PPP4R2: variants seen among roughly 807,000 people sequenced by gnomAD.
PPP4R2 encodes the protein protein phosphatase 4 regulatory subunit 2, also known as serine/threonine-protein phosphatase 4 regulatory subunit 2.
A neutral mutation model predicts 47.2 loss-of-function variants in PPP4R2; 13 were observed. That is an observed-to-expected ratio of 0.28 (90% CI 0.18 to 0.44). The LOEUF is 0.44. Ranked by LOEUF, PPP4R2 falls within the 20% of genes least tolerant of loss-of-function variation. The pLI, the probability that PPP4R2 is intolerant of heterozygous loss-of-function variation, is 1.00. For missense variants in PPP4R2, 421 were observed against 491.2 expected (o/e 0.86, Z 1.35); for synonymous variants, 151 against 163.3 (o/e 0.92, Z 0.57).
intron 2 of PPP4R2, chr3:73,014,776 T>C (rs113820420): frequency 2.5e-6 from 1 of 399,928 alleles, no homozygotes; most frequent in Non-Finnish European, 4.4e-6. Flanking sequence ...ACTAAAAAAA[T>C]TGCCTGTATC....
At chr3:73,031,726 T>C (rs996046008) in intron 2 of PPP4R2, among the ~76,000 whole-genome samples, 1 of 152,190 alleles carries the variant, frequency 6.6e-6, no homozygotes, top group South Asian at 2.1e-4. Context: ...AGCATCTTAC[T>C]GTGGTCTAAC....
Position 72,996,985 on chromosome 3 carries a change from TC to T in PPP4R2, c.-49del. 1 of 1,309,058 alleles carries T rather than the reference TC, an allele frequency of 7.6e-7. No individual in the cohort carries two copies. The highest frequency in any genetic ancestry group is 9.9e-7 in the Non-Finnish European group (1 of 1,010,804). 81.1% of individuals were successfully genotyped at this position (1,309,058 alleles called of 1,614,324 possible). On this transcript the variant is annotated 5_prime_UTR_variant, in exon 1 of 9. Coordinates refer to ENST00000356692, the MANE Select transcript of PPP4R2 (RefSeq NM_174907.4). Reference sequence around the variant, plus strand: ...GGGGGGGTGGGGGGAGGCGTTCCGGTCCCCAAGAGACCCGCGGAGGGAGGCG... The same window carrying T: ...GGGGGGGTGGGGGGAGGCGTTCCGGTCCCAAGAGACCCGCGGAGGGAGGCG...
chr3:73,051,719 G>A (rs1474367680), intron 3 of PPP4R2, among the ~76,000 whole-genome samples: 3 of 152,056 alleles, frequency 2.0e-5, no homozygotes, highest in Admixed American at 1.3e-4. Flanking sequence ...TCCGCCTCCC[G>A]GGTTCATGCC....
At chr3:73,034,147 T>G (rs1010104659) in intron 2 of PPP4R2, among the ~76,000 whole-genome samples, 9 of 152,198 alleles carry the variant, frequency 5.9e-5, no homozygotes, top group Non-Finnish European at 1.3e-4. Flanking sequence ...TGTGTGTATT[T>G]TTTTCTTTTT....
rs1056599883 is a variant in PPP4R2, at chr3:73,068,479, A to T, written c.*2757A>T. The T allele has an allele frequency of 6.6e-6, 1 of 152,220 alleles. No homozygotes were observed. The highest frequency in any genetic ancestry group is 1.9e-4 in the East Asian group (1 of 5,198). 9.4% of individuals were successfully genotyped at this position (152,220 alleles called of 1,614,324 possible). On this transcript the variant is annotated 3_prime_UTR_variant, in exon 9 of 9. Coordinates refer to ENST00000356692, the MANE Select transcript of PPP4R2 (RefSeq NM_174907.4). ...TTTTCAGTTCTGAAAAATGTAGCAGAAGTAGTGAAAATGTCATATTTTAAA... is the reference window on the plus strand; with the variant it reads ...TTTTCAGTTCTGAAAAATGTAGCAGTAGTAGTGAAAATGTCATATTTTAAA...
At chr3:72,998,363 C>T (rs890516876) in intron 2 of PPP4R2, among the ~76,000 whole-genome samples, 64 of 152,098 alleles carry the variant, frequency 4.2e-4, no homozygotes, top group African/African-American at 1.4e-3. Flanking sequence ...ATTTTAAAAA[C>T]CTGTGTATGT....
intron 2 of PPP4R2, among the ~76,000 whole-genome samples, chr3:73,021,308 A>G (rs1431584734): frequency 2.3e-4 from 35 of 149,670 alleles, no homozygotes; most frequent in Non-Finnish European, 7.4e-5. Flanking sequence ...ATCACTACTC[A>G]CTGTAGCCTC....
intron 4 of PPP4R2, among the ~76,000 whole-genome samples, chr3:73,060,788 A>C (rs907795723): frequency 2.6e-5 from 4 of 152,128 alleles, no homozygotes; most frequent in Non-Finnish European, 5.9e-5. Flanking sequence ...TAGGGTAAAA[A>C]ATAAGTATAG....
intron 2 of PPP4R2, among the ~76,000 whole-genome samples, chr3:73,024,099 T>C (rs1159780258): frequency 1.3e-5 from 2 of 152,118 alleles, no homozygotes; most frequent in Non-Finnish European, 2.9e-5. Flanking sequence ...ATGAACAGCC[T>C]TTTTCAGACT....
Position 73,067,564 on chromosome 3 carries a change from A to T in PPP4R2, c.*1842A>T, listed in dbSNP as rs977954068. 6 of 152,272 alleles carry T rather than the reference A, an allele frequency of 3.9e-5. No homozygotes were observed. Among genetic ancestry groups the T allele is most frequent in the East Asian group, 1.9e-4 (1 of 5,190 alleles). The allele number at this position is 152,272 out of a possible 1,614,324, so 9.4% of individuals were successfully genotyped here. A position where few individuals can be genotyped will look rare whatever the true frequency, so the allele number is the denominator to read the frequency against. ...AATTAACCATTGTAAATTTTTAAAA[A>T]ATTTTTCAAAAATGTTAAAATGAGG... On this transcript the variant is annotated 3_prime_UTR_variant, in exon 9 of 9. Coordinates refer to ENST00000356692, the MANE Select transcript of PPP4R2 (RefSeq NM_174907.4).
intron 2 of PPP4R2, among the ~76,000 whole-genome samples, chr3:73,000,942 C>T (rs904583551): frequency 4.6e-5 from 7 of 152,162 alleles, no homozygotes; most frequent in African/African-American, 7.2e-5. Flanking sequence ...TCCTTTTTGA[C>T]GGTCAAGTTG....
intron 2 of PPP4R2, among the ~76,000 whole-genome samples, chr3:73,003,181 G>A (rs540238395): frequency 6.7e-6 from 1 of 148,688 alleles, no homozygotes; most frequent in East Asian, 2.0e-4. Flanking sequence ...TGTCTCCCTT[G>A]TCTGAGCATA....
Position 73,002,673 on chromosome 3 carries a change from G to A in PPP4R2, c.116+4515G>A, listed in dbSNP as rs1380057455. Among the ~76,000 whole-genome samples, 3 of 106,536 alleles carry A rather than the reference G, an allele frequency of 2.8e-5. No individual in the cohort carries two copies. In the Admixed American group the frequency reaches 3.6e-4, roughly 13 times the overall value. The allele number at this position is 106,536 out of a possible 152,430, so 69.9% of individuals were successfully genotyped here. On this transcript the variant is annotated intron_variant, in intron 2 of 8. Coordinates refer to ENST00000356692, the MANE Select transcript of PPP4R2 (RefSeq NM_174907.4). The stretch of plus-strand genomic sequence containing the variant: ...TTTTTTTTTTTTGAGACGGAGTCTC[G>A]CTCTGTCACCCAGGCTGGAGTGCAG...
intron 2 of PPP4R2, among the ~76,000 whole-genome samples, chr3:73,040,188 T>C (rs1702348129): frequency 6.6e-6 from 1 of 152,144 alleles, no homozygotes; most frequent in Non-Finnish European, 1.5e-5. Flanking sequence ...TCACTAGCAA[T>C]GAAGGAAATG....
At chr3:73,017,205 C>T (rs1701858956) in intron 2 of PPP4R2, among the ~76,000 whole-genome samples, 1 of 152,150 alleles carries the variant, frequency 6.6e-6, no homozygotes, top group Non-Finnish European at 1.5e-5. Flanking sequence ...AGACATCAGC[C>T]ACTGTGCCCA....
At chr3:73,040,846 A>G (rs529943257) in intron 2 of PPP4R2, among the ~76,000 whole-genome samples, 3 of 152,316 alleles carry the variant, frequency 2.0e-5, no homozygotes, top group Non-Finnish European at 2.9e-5. Flanking sequence ...TTAATAAATT[A>G]TGGCACAAAT....
intron 2 of PPP4R2, among the ~76,000 whole-genome samples, chr3:73,016,729 G>T (rs1036041040): frequency 6.9e-4 from 48 of 69,836 alleles, no homozygotes; most frequent in African/African-American, 2.6e-3. Context: ...TTGGTTCATT[G>T]TTTATTTTTA....
chr3:73,045,985 C>T (rs1436243587), intron 2 of PPP4R2, among the ~76,000 whole-genome samples: 1 of 152,094 alleles, frequency 6.6e-6, no homozygotes, highest in Non-Finnish European at 1.5e-5. Flanking sequence ...TTTTGTTACA[C>T]AGAATATGTA....
At position 73,068,475 on chromosome 3, in the gene PPP4R2, G is replaced by A. The variant is rs928706853; in HGVS notation, c.*2753G>A. On this transcript the variant is annotated 3_prime_UTR_variant, in exon 9 of 9. Coordinates refer to ENST00000356692, the MANE Select transcript of PPP4R2 (RefSeq NM_174907.4). ...TATATTTTCAGTTCTGAAAAATGTA[G>A]CAGAAGTAGTGAAAATGTCATATTT... is the stretch of plus-strand genomic sequence containing the variant. 7.9e-5 allele frequency: 12 copies of A among 152,080 alleles called. No individual in the cohort carries two copies. The highest frequency in any genetic ancestry group is 1.0e-4 in the Non-Finnish European group (7 of 68,008). 9.4% of individuals were successfully genotyped at this position (152,080 alleles called of 1,614,324 possible).
Sources: allele counts gnomAD v4.1 joint callset (sites outside exome capture counted in the v4.1 genomes callset), GRCh38; gene constraint gnomAD v4.1.1; transcripts MANE v1.5; gene names NCBI Gene and HGNC (gene_info 2026-07-23, HGNC 2026-07-21).